The following TMCO5A variants were observed in gnomAD, a reference collection of about 807,000 sequenced individuals.
The protein encoded by TMCO5A is transmembrane and coiled-coil domain-containing protein 5A.
In TMCO5A, 34 loss-of-function variants were observed where a neutral mutation model predicts 42.3. The observed-to-expected ratio is 0.80, with a 90% CI of 0.61 to 1.07. TMCO5A has a LOEUF of 1.07. Among genes scored for constraint, TMCO5A ranks in the 50% least tolerant of loss-of-function variants. The pLI, the probability that TMCO5A is intolerant of heterozygous loss-of-function variation, is 0.00. For synonymous variants in TMCO5A, 131 were observed against 115.6 expected, an observed-to-expected ratio of 1.13 and a Z score of -0.86; for missense variants, 357 against 327.9, an observed-to-expected ratio of 1.09 and a Z score of -0.69.
At chr15:38,037,957 G>T in the TMCO5A span, among the ~76,000 whole-genome samples, 2 of 150,620 alleles carry the variant, frequency 1.3e-5, no homozygotes, top group Non-Finnish European at 2.9e-5. Flanking sequence ...AGGTTGCAGT[G>T]AGCCAAGATC....
At chr15:38,013,359 C>A in the TMCO5A span, among the ~76,000 whole-genome samples, 3,918 of 152,190 alleles carry the variant, frequency 0.026, 181 homozygotes, top group African/African-American at 0.087. Context: ...TCCCTCCCCC[C>A]CTCTAGTGTT....
intron 11 of TMCO5A, chr15:37,966,591 C>T: frequency 7.1e-6 from 5 of 702,888 alleles, no homozygotes; most frequent in African/African-American, 1.7e-5. Flanking sequence ...AAAACAATGT[C>T]TTGGGACATC....
the TMCO5A span, among the ~76,000 whole-genome samples, chr15:38,014,137 A>C: frequency 1.3e-5 from 2 of 152,192 alleles, no homozygotes; most frequent in African/African-American, 4.8e-5. Flanking sequence ...TAGTTAATTT[A>C]ATCATACCTG....
the TMCO5A span, among the ~76,000 whole-genome samples, chr15:38,030,904 C>G: frequency 2.6e-5 from 4 of 152,116 alleles, no homozygotes; most frequent in Non-Finnish European, 5.9e-5. Context: ...TCATAGAAAC[C>G]TGTACTTTAC....
At chr15:38,014,693 C>T in the TMCO5A span, among the ~76,000 whole-genome samples, 3 of 151,740 alleles carry the variant, frequency 2.0e-5, no homozygotes, top group Non-Finnish European at 2.9e-5. Flanking sequence ...ATGTGTTTCC[C>T]TTTCTTTCTA....
chr15:37,982,587 A>G, the TMCO5A span, among the ~76,000 whole-genome samples: 2 of 77,978 alleles, frequency 2.6e-5, no homozygotes, highest in African/African-American at 2.1e-4. Context: ...AATATATTAT[A>G]TATACTATAA....
At chr15:37,978,468 T>G in the TMCO5A span, among the ~76,000 whole-genome samples, 1 of 152,138 alleles carries the variant, frequency 6.6e-6, no homozygotes, top group Admixed American at 6.5e-5. Context: ...TGGTGAAGAC[T>G]AGGGGGTGGG....
the TMCO5A span, among the ~76,000 whole-genome samples, chr15:38,026,006 A>C: frequency 3.3e-5 from 5 of 152,182 alleles, no homozygotes; most frequent in African/African-American, 1.2e-4. Flanking sequence ...ATGTAAGTCC[A>C]ATTGAACCTC....
At chr15:37,998,109 C>A in the TMCO5A span, among the ~76,000 whole-genome samples, 1 of 148,432 alleles carries the variant, frequency 6.7e-6, no homozygotes, top group Non-Finnish European at 1.5e-5. Context: ...AATCGCTTGT[C>A]AGATAAGTAG....
chr15:37,939,182 A>G (rs1161482198), intron 6 of TMCO5A, among the ~76,000 whole-genome samples: 2 of 152,054 alleles, frequency 1.3e-5, no homozygotes, highest in Non-Finnish European at 2.9e-5. Context: ...TCTACCCTCC[A>G]AAGCCTGCAC....
the TMCO5A span, among the ~76,000 whole-genome samples, chr15:37,988,540 G>T: frequency 6.6e-6 from 1 of 151,944 alleles, no homozygotes; most frequent in Non-Finnish European, 1.5e-5. Context: ...CTAGTTTGTT[G>T]AGTGTTTTTA....
chr15:37,959,753 A>G (rs145713093), intron 11 of TMCO5A, among the ~76,000 whole-genome samples: 2,436 of 152,108 alleles, frequency 0.016, 75 homozygotes, highest in African/African-American at 0.055. Context: ...AAAAACTGAA[A>G]GCCTTTCCTC....
At chr15:37,981,896 T>G in the TMCO5A span, among the ~76,000 whole-genome samples, 1 of 152,304 alleles carries the variant, frequency 6.6e-6, no homozygotes, top group East Asian at 1.9e-4. Context: ...GTCTTAATCA[T>G]TACAGACAAC....
At position 37,943,300 on chromosome 15, in the gene TMCO5A, T is replaced by G. The variant is rs756896608; in HGVS notation, c.570-41T>G. 5.0e-6 allele frequency: 8 copies of G among 1,594,084 alleles called. No individual in the cohort carries two copies. The East Asian group carries it at 6.7e-5, about 13-fold the overall frequency. ...CCATAGTGTAGTATGAATATTTCAG[T>G]GCACTTTGTTCAATTTCTGTCCTGG... On this transcript the variant is annotated intron_variant, in intron 9 of 11. Transcript: ENST00000319669.
intron 11 of TMCO5A, among the ~76,000 whole-genome samples, chr15:37,956,960 C>A (rs1291937534): frequency 6.6e-6 from 1 of 152,164 alleles, no homozygotes; most frequent in Non-Finnish European, 1.5e-5. Context: ...AAACTTAATC[C>A]ATCACATAAA....
intron 11 of TMCO5A, among the ~76,000 whole-genome samples, chr15:37,965,670 T>C (rs1162422662): frequency 6.6e-6 from 1 of 152,152 alleles, no homozygotes; most frequent in East Asian, 1.9e-4. Flanking sequence ...CTTGACATCA[T>C]TGATCATCAG....
chr15:38,026,637 T>TC, the TMCO5A span, among the ~76,000 whole-genome samples: 1 of 152,196 alleles, frequency 6.6e-6, no homozygotes, highest in Non-Finnish European at 1.5e-5. Flanking sequence ...CAAATGTTCA[T>TC]CCCCAAGACA....
chr15:38,002,642 T>C, the TMCO5A span, among the ~76,000 whole-genome samples: 5 of 152,136 alleles, frequency 3.3e-5, no homozygotes, highest in Non-Finnish European at 7.4e-5. Flanking sequence ...GAGGCTCTGA[T>C]GTGTTCTTTA....
At chr15:37,983,752 T>C in the TMCO5A span, among the ~76,000 whole-genome samples, 3 of 151,308 alleles carry the variant, frequency 2.0e-5, no homozygotes, top group African/African-American at 7.3e-5. Flanking sequence ...GAGATGGAGT[T>C]TCGCTCTTGT....
Sources: gnomAD v4.1 joint callset for allele counts (sites outside exome capture counted in the v4.1 genomes callset) on GRCh38, gnomAD v4.1.1 for gene constraint, MANE v1.5 for transcripts, NCBI Gene and HGNC (gene_info 2026-07-23, HGNC 2026-07-21) for gene names.